Variants in PRKAR2A observed in about 807,000 individuals in gnomAD.
PRKAR2A encodes cAMP-dependent protein kinase type II-alpha regulatory subunit.
Under a neutral mutation model 51.9 loss-of-function variants are expected in PRKAR2A, and 29 were observed. That is an observed-to-expected ratio of 0.56 (90% CI 0.42 to 0.76). The LOEUF (loss-of-function observed/expected upper bound fraction) is 0.76, where lower values mean the gene tolerates loss of function less well. Among genes scored for constraint, PRKAR2A ranks in the 30% least tolerant of loss-of-function variants. PRKAR2A has a pLI of 0.00. For missense variants in PRKAR2A, 445 were observed against 512.1 expected (o/e 0.87, Z 1.26); for synonymous variants, 178 against 186.2 (o/e 0.96, Z 0.36).
At chr3:48,759,419 T>G (rs937102528) in intron 8 of PRKAR2A, among the ~76,000 whole-genome samples, 3 of 144,786 alleles carry the variant, frequency 2.1e-5, no homozygotes, top group African/African-American at 7.7e-5. Flanking sequence ...GGAGTTTCAC[T>G]CTTGTTGCCC....
rs559904736 is a variant in PRKAR2A at position 48,843,211 on chromosome 3, G to C, written c.262+4124C>G. On this transcript the variant is annotated intron_variant, in intron 1 of 10. Coordinates refer to ENST00000265563, the MANE Select transcript of PRKAR2A (RefSeq NM_004157.4). ...GTTTATTTGCGTAGAGGTGTTTGTAGTATTCTCTGATGGTAGTTTGTATTT... is the reference window on the plus strand; with the variant it reads ...GTTTATTTGCGTAGAGGTGTTTGTACTATTCTCTGATGGTAGTTTGTATTT... Among the ~76,000 whole-genome samples the C allele has an allele frequency of 7.2e-5, 11 of 152,288 alleles. No homozygotes were observed. The South Asian group carries it at 2.3e-3, about 32-fold the overall frequency.
chr3:48,824,281 T>C (rs1057366919), intron 1 of PRKAR2A, among the ~76,000 whole-genome samples: 1 of 151,786 alleles, frequency 6.6e-6, no homozygotes, highest in Non-Finnish European at 1.5e-5. Context: ...TGGTGGCACA[T>C]GCCTATAATC....
rs545439019 is a variant in PRKAR2A, at chr3:48,803,005, T to C, written c.298+4644A>G. Reference sequence around the variant, plus strand: ...GGTGATGGGATTCTGGAAATTCTCTTCTGTTTTCCTATTTCCTTGGTTAAA... The same window carrying C: ...GGTGATGGGATTCTGGAAATTCTCTCCTGTTTTCCTATTTCCTTGGTTAAA... On this transcript the variant is annotated intron_variant, in intron 2 of 10. Transcript: ENST00000265563. 2.0e-5 allele frequency among the ~76,000 whole-genome samples: 3 copies of C among 152,314 alleles called. No individual in the cohort carries two copies. In the South Asian group the frequency reaches 6.2e-4, roughly 32 times the overall value.
rs375699448 is a variant in PRKAR2A, at chr3:48,847,582, C to T, written c.15G>A (p.Gln5=). ...GCAGCTCCGTGAGCCCCGGCGGGAT[C>T]TGGATGTGGCTCATGCCGGCGGCGG... The part of the protein sequence containing the change: MSHI[Q]IPPGLTELLQ... Residue 5 remains glutamine (Q), a synonymous_variant, in exon 1 of 11, where the codon CAG becomes CAA. Coordinates refer to ENST00000265563, the MANE Select transcript of PRKAR2A (RefSeq NM_004157.4). The surrounding 1 kb of genome is among the most constrained non-coding windows in gnomAD (Gnocchi z 4.4). 5.2e-4 allele frequency: 788 copies of T among 1,517,710 alleles called. No homozygotes were observed. The highest frequency in any genetic ancestry group is 6.7e-4 in the Non-Finnish European group (768 of 1,138,942). The allele number at this position is 1,517,710 out of a possible 1,614,324, so 94.0% of individuals were successfully genotyped here.
intron 1 of PRKAR2A, among the ~76,000 whole-genome samples, chr3:48,814,521 C>T (rs900809845): frequency 6.6e-6 from 1 of 152,186 alleles, no homozygotes; most frequent in Non-Finnish European, 1.5e-5. Context: ...TCTATCCACA[C>T]AGAAAGTTAA....
At chr3:48,846,541 G>A (rs1159302633) in intron 1 of PRKAR2A, among the ~76,000 whole-genome samples, 1 of 152,110 alleles carries the variant, frequency 6.6e-6, no homozygotes, top group Non-Finnish European at 1.5e-5. Context: ...CAAAAATGAG[G>A]TAGGGTGTCT....
At chr3:48,844,521 T>C (rs1355892847) in intron 1 of PRKAR2A, among the ~76,000 whole-genome samples, 2 of 151,734 alleles carry the variant, frequency 1.3e-5, no homozygotes, top group East Asian at 3.9e-4. Flanking sequence ...CATGCTGCTA[T>C]AAAGGCACAT....
chr3:48,781,967 T>C (rs1049002483), intron 5 of PRKAR2A, among the ~76,000 whole-genome samples: 3 of 152,210 alleles, frequency 2.0e-5, no homozygotes, highest in Non-Finnish European at 4.4e-5. Flanking sequence ...TTTTGCACTA[T>C]TTAACTTTTC....
intron 4 of PRKAR2A, among the ~76,000 whole-genome samples, chr3:48,785,558 C>A (rs945711537): frequency 1.3e-5 from 2 of 152,014 alleles, no homozygotes; most frequent in Admixed American, 1.3e-4. Flanking sequence ...CCGGGCCCGG[C>A]CTTAATTTTT....
At chr3:48,772,371 C>T (rs2082041146) in intron 6 of PRKAR2A, among the ~76,000 whole-genome samples, 1 of 151,720 alleles carries the variant, frequency 6.6e-6, no homozygotes, top group South Asian at 2.1e-4. Context: ...CATGACTGGC[C>T]AATTTTCATA....
At chr3:48,773,753 TAC>T (rs557908647) in intron 5 of PRKAR2A, among the ~76,000 whole-genome samples, 13 of 151,464 alleles carry the variant, frequency 8.6e-5, no homozygotes, top group African/African-American at 1.5e-4. Flanking sequence ...TATATATATA[TAC>T]ACACACACAC....
intron 1 of PRKAR2A, among the ~76,000 whole-genome samples, chr3:48,811,539 T>G (rs1236443109): frequency 1.3e-5 from 2 of 152,050 alleles, no homozygotes; most frequent in African/African-American, 4.8e-5. Flanking sequence ...AACATTTAAA[T>G]AAAAGCAGCC....
At chr3:48,744,818 C>G (rs1411954503), downstream of PRKAR2A, 1 of 152,088 alleles carries the variant, frequency 6.6e-6, no homozygotes, top group African/African-American at 2.4e-5. Flanking sequence ...CTTGCTAGTT[C>G]TGGTTATAGC....
intron 5 of PRKAR2A, among the ~76,000 whole-genome samples, chr3:48,782,447 T>C (rs2082214681): frequency 6.6e-6 from 1 of 152,104 alleles, no homozygotes; most frequent in Admixed American, 6.6e-5. Context: ...TCTTTTTTTT[T>C]TTTTGAGATG....
intron 6 of PRKAR2A, among the ~76,000 whole-genome samples, 162 bp from the exon 7 acceptor site, chr3:48,765,511 C>T (rs896285084): frequency 2.6e-5 from 4 of 151,968 alleles, no homozygotes; most frequent in Non-Finnish European, 5.9e-5. Flanking sequence ...AGTAAAGGAC[C>T]TATAGCCTGA....
chr3:48,799,354 T>C (rs1442101249), intron 2 of PRKAR2A, among the ~76,000 whole-genome samples: 1 of 152,198 alleles, frequency 6.6e-6, no homozygotes, highest in Non-Finnish European at 1.5e-5. Flanking sequence ...ACATCAGTCC[T>C]ATTAGATTAG....
At chr3:48,764,531 G>A (rs1269062403) in intron 8 of PRKAR2A, among the ~76,000 whole-genome samples, 1 of 152,144 alleles carries the variant, frequency 6.6e-6, no homozygotes. Flanking sequence ...CAGTAAGACG[G>A]ACGTCAATAA....
At chr3:48,825,873 G>A (rs2083054981) in intron 1 of PRKAR2A, among the ~76,000 whole-genome samples, 1 of 152,146 alleles carries the variant, frequency 6.6e-6, no homozygotes, top group Admixed American at 6.6e-5. Context: ...GTTAACATCA[G>A]ACTCTAGAAG....
intron 6 of PRKAR2A, among the ~76,000 whole-genome samples, chr3:48,769,051 G>A (rs937184355): frequency 6.6e-6 from 1 of 151,612 alleles, no homozygotes; most frequent in Non-Finnish European, 1.5e-5. Context: ...AGTGAGCCGA[G>A]ATAATGCCAC....
Sources: allele counts gnomAD v4.1 joint callset (sites outside exome capture counted in the v4.1 genomes callset), GRCh38; gene constraint gnomAD v4.1.1; non-coding constraint Gnocchi (gnomAD v3.1); transcripts MANE v1.5; gene names NCBI Gene and HGNC (gene_info 2026-07-23, HGNC 2026-07-21).